CACNA2D2: variants seen among roughly 807,000 people sequenced by gnomAD.
CACNA2D2 encodes the protein calcium voltage-gated channel auxiliary subunit alpha2delta 2, also known as voltage-dependent calcium channel subunit alpha-2/delta-2.
CACNA2D2 carries 48 observed loss-of-function variants against 166.4 expected under a neutral mutation model. The observed-to-expected ratio is 0.29, with a 90% confidence interval of 0.23 to 0.37. The LOEUF (loss-of-function observed/expected upper bound fraction) is 0.37, where lower values mean the gene tolerates loss of function less well. Among genes scored for constraint, CACNA2D2 ranks in the 10% least tolerant of loss-of-function variants. The pLI is 1.00. For synonymous variants in CACNA2D2, 561 were observed against 573.7 expected (o/e 0.98, Z 0.32); for missense variants, 1,122 against 1,433.0 (o/e 0.78, Z 3.50).
chr3:50,367,213 C>T lies in CACNA2D2; in HGVS notation c.2402-104G>A. The T allele has an allele frequency of 9.8e-7, 1 of 1,021,834 alleles. No individual in the cohort carries two copies. The highest frequency in any genetic ancestry group is 1.5e-6 in the Non-Finnish European group (1 of 668,432). 63.3% of individuals were successfully genotyped at this position (1,021,834 alleles called of 1,614,324 possible). On this transcript the variant is annotated intron_variant, in intron 27 of 37. Coordinates refer to ENST00000424201, the MANE Select transcript of CACNA2D2 (RefSeq NM_006030.4). The surrounding 1 kb of genome is among the most constrained non-coding windows in gnomAD (Gnocchi z 6.5). Reference sequence around the variant, plus strand: ...CAGTCCAATCCCGGGATGACTCCAGCCCAAGCACCCAGCACTCAGGACAGT... The same window carrying T: ...CAGTCCAATCCCGGGATGACTCCAGTCCAAGCACCCAGCACTCAGGACAGT...
chr3:50,385,564 G>T (rs1410118272), intron 5 of CACNA2D2, among the ~76,000 whole-genome samples: 2 of 151,978 alleles, frequency 1.3e-5, no homozygotes, highest in East Asian at 3.9e-4. Flanking sequence ...CACACCACAG[G>T]GGTACGGCTC....
chr3:50,477,833 T>C (rs910035984), intron 1 of CACNA2D2, among the ~76,000 whole-genome samples: 1 of 152,022 alleles, frequency 6.6e-6, no homozygotes. Flanking sequence ...TGCTGCCTCC[T>C]CCAGTGCCAC....
chr3:50,426,936 T>C (rs965007329), intron 3 of CACNA2D2, among the ~76,000 whole-genome samples: 2 of 152,174 alleles, frequency 1.3e-5, no homozygotes, highest in African/African-American at 4.8e-5. Context: ...CTGTCTCCCT[T>C]GACCTTCCCA....
At position 50,379,429 on chromosome 3, in the gene CACNA2D2, C is replaced by T. The variant is rs760994346; in HGVS notation, c.1152+3G>A. 2.5e-6 allele frequency: 4 copies of T among 1,613,154 alleles called. No homozygotes were observed. The Admixed American group carries it at 6.7e-5, about 27-fold the overall frequency. On this transcript the variant is annotated splice_donor_region_variant and intron_variant, in intron 11 of 37. Coordinates refer to ENST00000424201, the MANE Select transcript of CACNA2D2 (RefSeq NM_006030.4). The surrounding 1 kb of genome is among the most constrained non-coding windows in gnomAD (Gnocchi z 6.5). ...CGCCCACTTGCCCACCCATGGGGCT[C>T]ACGTTCTGCAGCTGGTCAAAGGCAT...
chr3:50,447,530 A>G (rs1463819478), intron 2 of CACNA2D2, among the ~76,000 whole-genome samples: 2 of 152,096 alleles, frequency 1.3e-5, no homozygotes. Flanking sequence ...TAGGAGGGAG[A>G]GAACTGGGAG....
At chr3:50,420,689 C>A (rs919749100) in intron 3 of CACNA2D2, among the ~76,000 whole-genome samples, 1 of 152,142 alleles carries the variant, frequency 6.6e-6, no homozygotes, top group Non-Finnish European at 1.5e-5. Flanking sequence ...GGTAGGTGGA[C>A]GGACAGATGA....
chr3:50,461,536 G>GT (rs2107010113), intron 2 of CACNA2D2, among the ~76,000 whole-genome samples: 1 of 152,172 alleles, frequency 6.6e-6, no homozygotes, highest in South Asian at 2.1e-4. Context: ...GAGGTCATGA[G>GT]TTTAAGACTA....
chr3:50,369,962 C>T (rs1486334229), intron 23 of CACNA2D2, among the ~76,000 whole-genome samples: 2 of 152,348 alleles, frequency 1.3e-5, no homozygotes, highest in South Asian at 2.1e-4. Flanking sequence ...GGGCAGGACA[C>T]CACAAACCAG....
chr3:50,463,990 T>C (rs757929388), intron 2 of CACNA2D2, among the ~76,000 whole-genome samples: 2 of 152,194 alleles, frequency 1.3e-5, no homozygotes, highest in Non-Finnish European at 2.9e-5. Context: ...GTGGGCTCGG[T>C]TGCCTCTGCA....
intron 2 of CACNA2D2, among the ~76,000 whole-genome samples, chr3:50,452,330 G>T (rs1348676937): frequency 6.6e-6 from 1 of 152,200 alleles, no homozygotes; most frequent in Non-Finnish European, 1.5e-5. Flanking sequence ...GTAAACACCT[G>T]CACATGACCT....
At chr3:50,456,573 C>T (rs1336244373) in intron 2 of CACNA2D2, among the ~76,000 whole-genome samples, 2 of 152,198 alleles carry the variant, frequency 1.3e-5, no homozygotes, top group Non-Finnish European at 2.9e-5. Flanking sequence ...GCAGTCAGAA[C>T]GACCGTTGTC....
At position 50,484,993 on chromosome 3, in the gene CACNA2D2, C is replaced by T. The variant is rs115054161; in HGVS notation, c.207-8794G>A. Reference sequence around the variant, plus strand: ...CCCAGGAGGCCCTCCCTTCCCCTGGCTTCTTTCCATATGAATTATTAAGGC... The same window carrying T: ...CCCAGGAGGCCCTCCCTTCCCCTGGTTTCTTTCCATATGAATTATTAAGGC... On this transcript the variant is annotated intron_variant, in intron 1 of 37. Coordinates refer to ENST00000424201, the MANE Select transcript of CACNA2D2 (RefSeq NM_006030.4). Among the ~76,000 whole-genome samples, 693 of 152,354 alleles carry T rather than the reference C, an allele frequency of 4.5e-3. 2 individuals are homozygous for T. Among genetic ancestry groups the T allele is most frequent in the African/African-American group, 0.016 (647 of 41,580 alleles).
At chr3:50,402,034 A>G (rs935863433) in intron 3 of CACNA2D2, among the ~76,000 whole-genome samples, 2 of 152,208 alleles carry the variant, frequency 1.3e-5, no homozygotes, top group Non-Finnish European at 2.9e-5. Flanking sequence ...TTTAACATCA[A>G]GAGGAGGAAG....
intron 2 of CACNA2D2, among the ~76,000 whole-genome samples, chr3:50,465,443 G>T (rs1709790203): frequency 6.6e-6 from 1 of 152,166 alleles, no homozygotes; most frequent in South Asian, 2.1e-4. Context: ...ATGATGCAGT[G>T]CAGTGGCAGG....
chr3:50,423,876 G>C (rs962149031), intron 3 of CACNA2D2, among the ~76,000 whole-genome samples: 2 of 152,258 alleles, frequency 1.3e-5, no homozygotes, highest in Admixed American at 1.3e-4. Context: ...GGCCCCCAAA[G>C]AGGGGAAGGC....
Position 50,446,815 on chromosome 3 carries a change from G to A in CACNA2D2, c.289-12386C>T, listed in dbSNP as rs961920032. On this transcript the variant is annotated intron_variant, in intron 2 of 37. Coordinates refer to ENST00000424201, the MANE Select transcript of CACNA2D2 (RefSeq NM_006030.4). ...CAGAGGGATTGCAGGGGGAGGGAGA[G>A]CCAAGGACAGTTCTGAGCTGGCCCA... 2.6e-5 allele frequency among the ~76,000 whole-genome samples: 4 copies of A among 152,302 alleles called. No individual in the cohort carries two copies. In the South Asian group the frequency reaches 8.3e-4, roughly 32 times the overall value.
chr3:50,395,488 T>C (rs757689767), intron 3 of CACNA2D2, among the ~76,000 whole-genome samples: 4 of 152,042 alleles, frequency 2.6e-5, no homozygotes, highest in Non-Finnish European at 5.9e-5. Flanking sequence ...TGTCCCACAG[T>C]GGGGCAGGCA....
At chr3:50,373,170 AGGGG>A in intron 22 of CACNA2D2, 12 of 1,146,274 alleles carry the variant, frequency 1.0e-5, no homozygotes, top group African/African-American at 1.5e-5. Flanking sequence ...GGGAAAGGGG[AGGGG>A]CACAAACAAT....
At chr3:50,399,094 G>C (rs915076169) in intron 3 of CACNA2D2, among the ~76,000 whole-genome samples, 1 of 152,194 alleles carries the variant, frequency 6.6e-6, no homozygotes, top group Non-Finnish European at 1.5e-5. Context: ...CAGGAGGGGA[G>C]GGCCTTGGGT....
Sources: allele counts gnomAD v4.1 joint callset (sites outside exome capture counted in the v4.1 genomes callset), GRCh38; gene constraint gnomAD v4.1.1; non-coding constraint Gnocchi (gnomAD v3.1); transcripts MANE v1.5; gene names NCBI Gene and HGNC (gene_info 2026-07-23, HGNC 2026-07-21).